Variants in KIAA0319L observed in about 807,000 individuals in gnomAD.
KIAA0319L encodes dyslexia-associated protein KIAA0319-like protein.
Under a neutral mutation model 120.1 loss-of-function variants are expected in KIAA0319L, and 55 were observed. That is an observed-to-expected ratio of 0.46 (90% CI 0.37 to 0.57). The LOEUF (loss-of-function observed/expected upper bound fraction) is 0.57. Ranked by LOEUF, KIAA0319L falls within the 20% of genes least tolerant of loss-of-function variation. The pLI is 0.00. For synonymous variants in KIAA0319L, 398 were observed against 471.9 expected (o/e 0.84, Z 2.03); for missense variants, 1,049 against 1,255.3 (o/e 0.84, Z 2.48).
chr1:35,513,366 G>A (rs999063955), intron 2 of KIAA0319L, among the ~76,000 whole-genome samples: 3 of 139,378 alleles, frequency 2.2e-5, no homozygotes, highest in South Asian at 2.2e-4. Flanking sequence ...CATAATCCCA[G>A]CACTTTGGAA....
At chr1:35,543,299 T>C (rs1464514727) in intron 2 of KIAA0319L, among the ~76,000 whole-genome samples, 5 of 152,220 alleles carry the variant, frequency 3.3e-5, no homozygotes, top group African/African-American at 7.2e-5. Context: ...CAAGTCATTA[T>C]CCTACAGTCT....
chr1:35,501,183 T>C (rs1253750368), intron 3 of KIAA0319L, among the ~76,000 whole-genome samples: 1 of 152,314 alleles, frequency 6.6e-6, no homozygotes, highest in East Asian at 1.9e-4. Context: ...GAAAGAATTC[T>C]CTATAGCCAA....
intron 15 of KIAA0319L, among the ~76,000 whole-genome samples, chr1:35,448,730 T>A (rs1641827975): frequency 6.6e-6 from 1 of 152,140 alleles, no homozygotes; most frequent in South Asian, 2.1e-4. Flanking sequence ...CACATCTGAT[T>A]TTCAGTGCCT....
chr1:35,468,094 A>G (rs2149119654), intron 6 of KIAA0319L, among the ~76,000 whole-genome samples: 2 of 152,252 alleles, frequency 1.3e-5, no homozygotes, highest in Admixed American at 1.3e-4. Context: ...GTTGTTTCCA[A>G]ATTTTTACTA....
At chr1:35,438,554 G>T in intron 20 of KIAA0319L, 1 of 120,460 alleles carries the variant, frequency 8.3e-6, no homozygotes, top group Admixed American at 1.0e-4. Context: ...GACAGAGTCT[G>T]GCTTTATTGC....
chr1:35,501,469 T>C (rs1645002924), intron 3 of KIAA0319L, among the ~76,000 whole-genome samples: 1 of 152,218 alleles, frequency 6.6e-6, no homozygotes, highest in Admixed American at 6.5e-5. Context: ...TCATTGCAGC[T>C]ATCATCTCCC....
chr1:35,524,406 A>AT (rs956582499), intron 2 of KIAA0319L, among the ~76,000 whole-genome samples: 1 of 152,224 alleles, frequency 6.6e-6, no homozygotes, highest in African/African-American at 2.4e-5. Flanking sequence ...ATAACCAAAC[A>AT]TTGTCCAAGC....
intron 20 of KIAA0319L, among the ~76,000 whole-genome samples, chr1:35,438,045 AC>A (rs1416866974): frequency 1.3e-5 from 2 of 152,028 alleles, no homozygotes; most frequent in Non-Finnish European, 2.9e-5. Flanking sequence ...TGGTCTCCAC[AC>A]TTGTAGCCAC....
At chr1:35,454,248 T>C (rs1642273828) in intron 11 of KIAA0319L, 114 bp downstream of exon 11, 2 of 1,057,222 alleles carry the variant, frequency 1.9e-6, no homozygotes, top group Non-Finnish European at 2.8e-6. Context: ...AGAGGCTCTA[T>C]GGATCGGTGC....
chr1:35,546,390 T>C (rs1347287888), intron 2 of KIAA0319L, among the ~76,000 whole-genome samples: 1 of 152,102 alleles, frequency 6.6e-6, no homozygotes, highest in Non-Finnish European at 1.5e-5. Flanking sequence ...AATAAAGGCG[T>C]CCAACTAGGA....
At chr1:35,461,557 A>G (rs1169509573) in intron 8 of KIAA0319L, among the ~76,000 whole-genome samples, 1 of 152,270 alleles carries the variant, frequency 6.6e-6, no homozygotes, top group Non-Finnish European at 1.5e-5. Context: ...AACACAAGAC[A>G]GAAGGACTAT....
chr1:35,519,389 G>C (rs1481928979), intron 2 of KIAA0319L, among the ~76,000 whole-genome samples: 8 of 152,088 alleles, frequency 5.3e-5, no homozygotes, highest in Admixed American at 5.2e-4. Context: ...ACCATATGAT[G>C]GCTTCTAATT....
chr1:35,548,490 C>T (rs547261570), intron 2 of KIAA0319L, among the ~76,000 whole-genome samples: 1 of 152,032 alleles, frequency 6.6e-6, no homozygotes, highest in Non-Finnish European at 1.5e-5. Flanking sequence ...CAAGACAAAT[C>T]CCTCGGGCAT....
At chr1:35,451,219 G>A (rs183446312) in intron 13 of KIAA0319L, among the ~76,000 whole-genome samples, 6 of 152,294 alleles carry the variant, frequency 3.9e-5, no homozygotes, top group South Asian at 4.1e-4. Flanking sequence ...GCTGTAGTGC[G>A]GCCGTCATTC....
chr1:35,444,896 T>G (rs1403210696), intron 16 of KIAA0319L, among the ~76,000 whole-genome samples: 1 of 152,216 alleles, frequency 6.6e-6, no homozygotes, highest in Non-Finnish European at 1.5e-5. Flanking sequence ...ATGCCCAGAA[T>G]CTGTTTGCTG....
chr1:35,461,219 C>T (rs1255129930), intron 8 of KIAA0319L, among the ~76,000 whole-genome samples: 3 of 152,244 alleles, frequency 2.0e-5, no homozygotes, highest in African/African-American at 7.2e-5. Context: ...GTAATCCCAG[C>T]ACTTTGGGAG....
At chr1:35,500,092 T>C (rs1644950273) in intron 3 of KIAA0319L, among the ~76,000 whole-genome samples, 1 of 152,212 alleles carries the variant, frequency 6.6e-6, no homozygotes, top group Non-Finnish European at 1.5e-5. Flanking sequence ...GATTATTGAC[T>C]GGAAACAGGG....
chr1:35,448,167 A>T lies in KIAA0319L; in HGVS notation c.2513+6T>A. The T allele has an allele frequency of 6.3e-7, 1 of 1,586,552 alleles. No homozygotes were observed. Among genetic ancestry groups the T allele is most frequent in the Non-Finnish European group, 8.6e-7 (1 of 1,164,832 alleles). ...CCTTTGCTCCCCCCATTCATTGCCCAGCTACCTCTGCTCCGTGTACGGCTG... is the reference window on the plus strand; with the variant it reads ...CCTTTGCTCCCCCCATTCATTGCCCTGCTACCTCTGCTCCGTGTACGGCTG... On this transcript the variant is annotated splice_donor_region_variant and intron_variant, in intron 16 of 20. Coordinates refer to ENST00000325722, the MANE Select transcript of KIAA0319L (RefSeq NM_024874.5).
intron 4 of KIAA0319L, among the ~76,000 whole-genome samples, chr1:35,475,477 AT>A (rs200682694): frequency 4.7e-5 from 7 of 150,182 alleles, no homozygotes; most frequent in Admixed American, 1.3e-4. Flanking sequence ...TATTCCAAGA[AT>A]TTTTTTTTTC....
Sources: allele counts gnomAD v4.1 joint callset (sites outside exome capture counted in the v4.1 genomes callset), GRCh38; gene constraint gnomAD v4.1.1; transcripts MANE v1.5; gene names NCBI Gene and HGNC (gene_info 2026-07-23, HGNC 2026-07-21).